The following TNIP3 variants were observed in gnomAD, a reference collection of about 807,000 sequenced individuals.
TNIP3 encodes TNFAIP3-interacting protein 3.
Under a neutral mutation model 54.1 loss-of-function variants are expected in TNIP3, and 34 were observed. The ratio of observed to expected loss-of-function variants is 0.63; its 90% CI spans 0.48 to 0.84. The LOEUF (loss-of-function observed/expected upper bound fraction) is 0.84. Ranked by LOEUF, TNIP3 falls within the 40% of genes least tolerant of loss-of-function variation. TNIP3 has a pLI of 0.00. For missense variants in TNIP3, 366 were observed against 387.6 expected (o/e 0.94, Z 0.47); for synonymous variants, 134 against 136.8 (o/e 0.98, Z 0.14).
rs137977445 is a variant in TNIP3 at position 121,207,573 on chromosome 4, A to G, written c.68+8842T>C. Among the ~76,000 whole-genome samples the G allele has an allele frequency of 3.6e-3, 552 of 152,342 alleles. 1 individual carries two copies. The highest frequency in any genetic ancestry group is 0.013 in the African/African-American group (529 of 41,578). Reference sequence around the variant, plus strand: ...TAACACTGACTTAAGATATTAGTTAATAAAAACAATAAGCCTGCAGATTTG... The same window carrying G: ...TAACACTGACTTAAGATATTAGTTAGTAAAAACAATAAGCCTGCAGATTTG... On this transcript the variant is annotated intron_variant, in intron 2 of 12. Coordinates refer to the TNIP3 transcript ENST00000507879.
At chr4:121,208,717 A>G (rs1726317005) in intron 2 of TNIP3, among the ~76,000 whole-genome samples, 1 of 152,178 alleles carries the variant, frequency 6.6e-6, no homozygotes. Flanking sequence ...TGATATAATA[A>G]AAAATACATT....
At chr4:121,182,338 G>T (rs1488582877) in intron 3 of TNIP3, among the ~76,000 whole-genome samples, 1 of 151,998 alleles carries the variant, frequency 6.6e-6, no homozygotes, top group African/African-American at 2.4e-5. Flanking sequence ...TGCTGATCTT[G>T]GTAACCCAAT....
At chr4:121,202,337 G>T (rs1467326764) in intron 2 of TNIP3, among the ~76,000 whole-genome samples, 2 of 152,146 alleles carry the variant, frequency 1.3e-5, no homozygotes, top group Non-Finnish European at 2.9e-5. Flanking sequence ...TCAACAAATG[G>T]TGTTGGAATA....
At chr4:121,137,638 T>A (rs1413430872) in intron 10 of TNIP3, 3 of 246,272 alleles carry the variant, frequency 1.2e-5, no homozygotes, top group East Asian at 2.0e-4. Flanking sequence ...CTTGTAAAGT[T>A]CACAACCTGC....
At chr4:121,225,593 A>T (rs1250079786) in intron 1 of TNIP3, among the ~76,000 whole-genome samples, 1 of 152,248 alleles carries the variant, frequency 6.6e-6, no homozygotes, top group Admixed American at 6.5e-5. Context: ...CTAATAATTC[A>T]TCATTATCTG....
intron 2 of TNIP3, among the ~76,000 whole-genome samples, chr4:121,204,984 C>G (rs1726102430): frequency 6.6e-6 from 1 of 152,144 alleles, no homozygotes; most frequent in Non-Finnish European, 1.5e-5. Context: ...CTTTTCTCTT[C>G]CGTAATTGTT....
chr4:121,140,675 A>G (rs1003038312), intron 9 of TNIP3, among the ~76,000 whole-genome samples: 7 of 152,180 alleles, frequency 4.6e-5, no homozygotes, highest in Admixed American at 4.6e-4. Context: ...ATTTCTCTTT[A>G]TGTTTCTCAC....
At chr4:121,174,609 C>T (rs1724196215) in intron 3 of TNIP3, among the ~76,000 whole-genome samples, 1 of 151,706 alleles carries the variant, frequency 6.6e-6, no homozygotes, top group African/African-American at 2.4e-5. Context: ...CAAACATTTG[C>T]TAAGTCGGTT....
upstream of TNIP3, among the ~76,000 whole-genome samples, chr4:121,166,095 T>C (rs1252092430): frequency 6.6e-6 from 1 of 152,198 alleles, no homozygotes; most frequent in Non-Finnish European, 1.5e-5. Flanking sequence ...GGAAATACCA[T>C]CCTTGGCATT....
At chr4:121,149,975 A>G in intron 6 of TNIP3, 128 bp downstream of exon 6, 1 of 631,136 alleles carries the variant, frequency 1.6e-6, no homozygotes, top group Non-Finnish European at 2.9e-6. Context: ...AAATTAGATA[A>G]TTCTACTTAA....
At chr4:121,190,446 C>G (rs1246179489) in intron 2 of TNIP3, among the ~76,000 whole-genome samples, 1 of 152,026 alleles carries the variant, frequency 6.6e-6, no homozygotes, top group African/African-American at 2.4e-5. Context: ...GGAGAAGCTC[C>G]CATTAAAAAG....
At chr4:121,192,977 C>T (rs558754191) in intron 2 of TNIP3, 1 of 152,236 alleles carries the variant, frequency 6.6e-6, no homozygotes, top group South Asian at 2.1e-4. Context: ...AGACTTACAT[C>T]CAATAACTTT....
intron 2 of TNIP3, among the ~76,000 whole-genome samples, chr4:121,189,900 C>T (rs1337325488): frequency 2.6e-5 from 4 of 152,176 alleles, no homozygotes; most frequent in Non-Finnish European, 5.9e-5. Context: ...TGTGCCAGCT[C>T]ACTATACTGA....
At chr4:121,152,650 G>GA (rs1209621845) in intron 5 of TNIP3, among the ~76,000 whole-genome samples, 2 of 152,086 alleles carry the variant, frequency 1.3e-5, no homozygotes, top group African/African-American at 4.8e-5. Context: ...GAACAAAACA[G>GA]AAAAAATTCA....
intron 10 of TNIP3, among the ~76,000 whole-genome samples, chr4:121,134,254 C>A (rs79991473): frequency 6.6e-6 from 1 of 152,102 alleles, no homozygotes; most frequent in Non-Finnish European, 1.5e-5. Context: ...TAACTCTGTA[C>A]CCTATGAAAA....
In TNIP3 at chr4:121,182,046, T is replaced by A. The variant is rs568142403; in HGVS notation, c.189+630A>T. On this transcript the variant is annotated intron_variant, in intron 3 of 12. Coordinates refer to the TNIP3 transcript ENST00000507879. ...ACTCACATTCTCACATTAGATTTTT[T>A]TTTTTAGTAAGAATCATGAAAGATA... Among the ~76,000 whole-genome samples the A allele has an allele frequency of 2.0e-5, 3 of 152,336 alleles. No individual in the cohort carries two copies. The South Asian group carries it at 6.2e-4, about 32-fold the overall frequency.
At chr4:121,170,810 G>C (rs578255396) in intron 3 of TNIP3, among the ~76,000 whole-genome samples, 1 of 151,868 alleles carries the variant, frequency 6.6e-6, no homozygotes, top group Non-Finnish European at 1.5e-5. Context: ...TTCTTTGCTC[G>C]GTAAGAGATA....
chr4:121,183,976 C>T (rs537798505), intron 2 of TNIP3, among the ~76,000 whole-genome samples: 30 of 152,050 alleles, frequency 2.0e-4, no homozygotes, highest in Non-Finnish European at 3.7e-4. Context: ...CCATCCTACC[C>T]CCTGCCCCAG....
upstream of TNIP3, chr4:121,164,414 G>A (rs936222094): frequency 7.5e-6 from 8 of 1,065,996 alleles, no homozygotes; most frequent in Non-Finnish European, 8.3e-6. Flanking sequence ...CCGTGACTAA[G>A]ACCTGGGGCA....
Sources: gnomAD v4.1 joint callset for allele counts (sites outside exome capture counted in the v4.1 genomes callset) on GRCh38, gnomAD v4.1.1 for gene constraint, MANE v1.5 for transcripts, NCBI Gene and HGNC (gene_info 2026-07-23, HGNC 2026-07-21) for gene names.